Variants in FLVCR1 observed in about 807,000 individuals in gnomAD.
FLVCR1 encodes choline/ethanolamine transporter FLVCR1.
In FLVCR1, 34 loss-of-function variants were observed where a neutral mutation model predicts 53.6. That is an observed-to-expected ratio of 0.63 (90% confidence interval 0.48 to 0.84). The LOEUF is 0.84. FLVCR1 is among the 40% of genes least tolerant of loss of function. FLVCR1 has a pLI of 0.00. For synonymous variants in FLVCR1, 300 were observed against 286.3 expected, an observed-to-expected ratio of 1.05 and a Z score of -0.48; for missense variants, 677 against 696.7, an observed-to-expected ratio of 0.97 and a Z score of 0.32.
chr1:212,860,350 GTT>G (rs567270153), intron 1 of FLVCR1, among the ~76,000 whole-genome samples: 12 of 85,846 alleles, frequency 1.4e-4, no homozygotes, highest in Admixed American at 2.7e-4. Context: ...TGTGTGTGTG[GTT>G]TTTTTTTTTT....
At position 212,858,363 on chromosome 1, in the gene FLVCR1, G is replaced by A. The variant is rs867110653; in HGVS notation, c.-90G>A. 8 of 1,254,228 alleles carry A rather than the reference G, an allele frequency of 6.4e-6. No homozygotes were observed. Among genetic ancestry groups the A allele is most frequent in the Middle Eastern group, 5.6e-4 (2 of 3,548 alleles). 77.7% of individuals were successfully genotyped at this position (1,254,228 alleles called of 1,614,324 possible). On this transcript the variant is annotated 5_prime_UTR_variant, in exon 1 of 10. Transcript: ENST00000366971. ...AGCGGTGGGCCGAGGGGTTGGAGGTGGGGCCCCAGGAGGACCTCGGGCTGT... is the reference window on the plus strand; with the variant it reads ...AGCGGTGGGCCGAGGGGTTGGAGGTAGGGCCCCAGGAGGACCTCGGGCTGT...
At chr1:212,865,334 G>C (rs950539942) in intron 2 of FLVCR1, among the ~76,000 whole-genome samples, 1 of 146,264 alleles carries the variant, frequency 6.8e-6, no homozygotes, top group Non-Finnish European at 1.5e-5. Flanking sequence ...CAGTGTCCAT[G>C]TGTTCTCATT....
At chr1:212,867,587 C>A (rs7544198) in intron 2 of FLVCR1, among the ~76,000 whole-genome samples, 1 of 151,830 alleles carries the variant, frequency 6.6e-6, no homozygotes, top group Non-Finnish European at 1.5e-5. Context: ...ATTTTTTGTT[C>A]GAATTCAGAT....
At chr1:212,879,547 T>C (rs1664865520) in intron 3 of FLVCR1, among the ~76,000 whole-genome samples, 1 of 152,130 alleles carries the variant, frequency 6.6e-6, no homozygotes, top group African/African-American at 2.4e-5. Context: ...AAAAAAATTA[T>C]CGGTAATAAA....
chr1:212,863,637 T>G, intron 1 of FLVCR1, 88 bp from the exon 2 acceptor site: 2 of 1,117,322 alleles, frequency 1.8e-6, no homozygotes, highest in Non-Finnish European at 2.7e-6. Flanking sequence ...TTATAAACAC[T>G]AGCTGTCCTC....
Position 212,888,006 on chromosome 1 carries a change from G to A in FLVCR1, c.1307+5G>A. Reference sequence around the variant, plus strand: ...TGTTACTGGAGGGGTGCTTGGGTAAGTATCAGATGTGTTTAGGAGGAATGA... The same window carrying A: ...TGTTACTGGAGGGGTGCTTGGGTAAATATCAGATGTGTTTAGGAGGAATGA... On this transcript the variant is annotated splice_donor_5th_base_variant and intron_variant, in intron 6 of 9. Coordinates refer to ENST00000366971, the MANE Select transcript of FLVCR1 (RefSeq NM_014053.4). 1 of 1,456,564 alleles carries A rather than the reference G, an allele frequency of 6.9e-7. No individual in the cohort carries two copies. Among genetic ancestry groups the A allele is most frequent in the Non-Finnish European group, 9.6e-7 (1 of 1,036,558 alleles). 90.2% of individuals were successfully genotyped at this position (1,456,564 alleles called of 1,614,324 possible).
chr1:212,891,479 AG>A (rs1326754727), intron 8 of FLVCR1, among the ~76,000 whole-genome samples: 2 of 152,198 alleles, frequency 1.3e-5, no homozygotes, highest in African/African-American at 2.4e-5. Flanking sequence ...ATACCAAAGA[AG>A]GGAGCAGTTT....
chr1:212,879,379 T>C (rs1044545235), intron 3 of FLVCR1, among the ~76,000 whole-genome samples: 2 of 152,088 alleles, frequency 1.3e-5, no homozygotes, highest in Non-Finnish European at 2.9e-5. Flanking sequence ...CATGTCCCTG[T>C]CCCCCTCCGT....
intron 3 of FLVCR1, among the ~76,000 whole-genome samples, chr1:212,876,686 G>A (rs1664762007): frequency 1.3e-5 from 2 of 152,106 alleles, no homozygotes; most frequent in Non-Finnish European, 2.9e-5. Flanking sequence ...CTTTTTGGCT[G>A]CATAGTATTC....
At chr1:212,891,698 C>T (rs1415552771) in intron 8 of FLVCR1, among the ~76,000 whole-genome samples, 1 of 152,134 alleles carries the variant, frequency 6.6e-6, no homozygotes, top group Non-Finnish European at 1.5e-5. Context: ...CTACAGTGGC[C>T]TCCAGGTGTT....
At chr1:212,883,979 T>A (rs898450066) in intron 4 of FLVCR1, among the ~76,000 whole-genome samples, 2 of 152,146 alleles carry the variant, frequency 1.3e-5, no homozygotes, top group Admixed American at 1.3e-4. Context: ...TGGCCTCCCA[T>A]CATTTTAATT....
At chr1:212,893,497 G>A (rs1309324260) in intron 8 of FLVCR1, among the ~76,000 whole-genome samples, 1 of 152,166 alleles carries the variant, frequency 6.6e-6, no homozygotes, top group Non-Finnish European at 1.5e-5. Context: ...GGGTTTGAGA[G>A]GATCAACTCC....
At chr1:212,871,831 A>G (rs543318156) in intron 2 of FLVCR1, among the ~76,000 whole-genome samples, 3 of 152,182 alleles carry the variant, frequency 2.0e-5, no homozygotes, top group Non-Finnish European at 4.4e-5. Flanking sequence ...ATTTCTAACT[A>G]GAAATGGATA....
intron 4 of FLVCR1, among the ~76,000 whole-genome samples, chr1:212,883,655 T>C (rs995980927): frequency 6.6e-6 from 1 of 152,178 alleles, no homozygotes; most frequent in East Asian, 1.9e-4. Context: ...TTGGACAGCA[T>C]CCCATCTAAA....
At chr1:212,879,837 A>G (rs10779593) in intron 3 of FLVCR1, among the ~76,000 whole-genome samples, 66,786 of 151,930 alleles carry the variant, frequency 0.44, 15,730 homozygotes, top group East Asian at 0.54. Context: ...GATTACAGGC[A>G]TGAGCCACCA....
At chr1:212,859,262 T>G in intron 1 of FLVCR1, 72 bp downstream of exon 1, 1 of 1,602,364 alleles carries the variant, frequency 6.2e-7, no homozygotes, top group Non-Finnish European at 8.5e-7. Flanking sequence ...GTGAGAACTA[T>G]GGCCTGTATG....
chr1:212,863,924 ATAAC>A (rs1298875336), intron 2 of FLVCR1, 55 bp downstream of exon 2: 1 of 1,474,464 alleles, frequency 6.8e-7, no homozygotes, highest in Non-Finnish European at 9.5e-7. Flanking sequence ...AAATTTGAGA[ATAAC>A]TAACTCTGGA....
intron 1 of FLVCR1, among the ~76,000 whole-genome samples, chr1:212,861,245 G>A (rs1380589789): frequency 9.2e-5 from 14 of 152,102 alleles, no homozygotes; most frequent in African/African-American, 3.4e-4. Context: ...TCACAAGGTC[G>A]TGCCCTTTCC....
At chr1:212,872,646 A>C (rs936254104) in intron 2 of FLVCR1, 32 bp from the exon 3 acceptor site, 3 of 1,467,626 alleles carry the variant, frequency 2.0e-6, no homozygotes, top group Middle Eastern at 3.5e-4. Context: ...TATATATTAA[A>C]TATACATAAT....
Sources: allele counts gnomAD v4.1 joint callset (sites outside exome capture counted in the v4.1 genomes callset), GRCh38; gene constraint gnomAD v4.1.1; transcripts MANE v1.5; gene names NCBI Gene and HGNC (gene_info 2026-07-23, HGNC 2026-07-21).